Variants in SENP7 observed in about 807,000 individuals in gnomAD.
SENP7 encodes sentrin-specific protease 7.
A neutral mutation model predicts 141.2 loss-of-function variants in SENP7; 64 were observed. That is an observed-to-expected ratio of 0.45 (90% CI 0.37 to 0.56). The LOEUF (loss-of-function observed/expected upper bound fraction) is 0.56. Ranked by LOEUF, SENP7 falls within the 20% of genes least tolerant of loss-of-function variation. The pLI, the probability that SENP7 is intolerant of heterozygous loss-of-function variation, is 0.00. For missense variants in SENP7, 1,025 were observed against 1,212.2 expected (o/e 0.85, Z 2.29); for synonymous variants, 382 against 426.4 (o/e 0.90, Z 1.28).
chr3:101,343,704 C>A lies in SENP7; in HGVS notation c.2088G>T (p.Lys696Asn). The A allele has an allele frequency of 6.2e-7, 1 of 1,611,742 alleles. No individual in the cohort carries two copies. Among genetic ancestry groups the A allele is most frequent in the Non-Finnish European group, 8.5e-7 (1 of 1,179,156 alleles). Residue 696 changes from lysine to asparagine, a missense_variant, in exon 14 of 24, where the codon AAG becomes AAT. Lys to Asn is a moderately conservative substitution (Grantham distance 94). Transcript: ENST00000394095. The stretch of plus-strand genomic sequence containing the variant: ...TGCTAACCTGAGATACTGATTTCAG[C>A]TTCATTTCTTCAGCAACAGCAACAC... ...PAGVAVAEEM[K>N]LKSVSQPSNT... is the part of the protein sequence containing the mutation.
At chr3:101,482,379 T>G (rs370099097) in intron 3 of SENP7, among the ~76,000 whole-genome samples, 1 of 150,882 alleles carries the variant, frequency 6.6e-6, no homozygotes, top group Non-Finnish European at 1.5e-5. Flanking sequence ...AAGATCTGTA[T>G]GAGGAAAGCT....
At chr3:101,361,950 A>G (rs2059913607) in intron 10 of SENP7, 89 bp from the exon 11 acceptor site, 1 of 1,370,710 alleles carries the variant, frequency 7.3e-7, no homozygotes, top group Non-Finnish European at 9.8e-7. Context: ...TCTTCTTTAA[A>G]TTACTATTAG....
intron 6 of SENP7, among the ~76,000 whole-genome samples, chr3:101,388,093 C>T (rs1451619027): frequency 2.0e-5 from 3 of 152,180 alleles, no homozygotes; most frequent in Non-Finnish European, 4.4e-5. Context: ...GACACAGCTA[C>T]TACCATCACC....
chr3:101,383,114 G>T (rs1255745388), intron 6 of SENP7, among the ~76,000 whole-genome samples: 1 of 152,182 alleles, frequency 6.6e-6, no homozygotes, highest in Non-Finnish European at 1.5e-5. Flanking sequence ...TAGAGGTGAG[G>T]CCTGGTGAGA....
At chr3:101,474,472 T>G (rs1443236749) in intron 3 of SENP7, among the ~76,000 whole-genome samples, 1 of 152,196 alleles carries the variant, frequency 6.6e-6, no homozygotes, top group Non-Finnish European at 1.5e-5. Context: ...CTAGTCTGGC[T>G]CTCAGTTTGA....
intron 1 of SENP7, among the ~76,000 whole-genome samples, chr3:101,505,062 CAAAAAGAAAAAGA>C (rs1206909792): frequency 2.0e-5 from 3 of 150,712 alleles, no homozygotes; most frequent in Non-Finnish European, 2.9e-5. Flanking sequence ...GAAACCATTT[CAAAAAGAAAAAGA>C]AAAAAGAAAA....
In SENP7 at chr3:101,490,042, G is replaced by A. The variant is rs138143521; in HGVS notation, c.186+3831C>T. On this transcript the variant is annotated intron_variant, in intron 3 of 23. Coordinates refer to ENST00000394095, the MANE Select transcript of SENP7 (RefSeq NM_020654.5). Reference sequence around the variant, plus strand: ...TCTACTAAAAATACAAAACTAGCCCGATGTGGTGGTGCATGCCTGTAATCC... The same window carrying A: ...TCTACTAAAAATACAAAACTAGCCCAATGTGGTGGTGCATGCCTGTAATCC... Among the ~76,000 whole-genome samples, 138 of 152,136 alleles carry A rather than the reference G, an allele frequency of 9.1e-4. 2 individuals carry two copies. The East Asian group carries it at 0.021, about 23-fold the overall frequency.
chr3:101,362,322 T>C (rs556964280), intron 10 of SENP7, among the ~76,000 whole-genome samples: 9 of 152,328 alleles, frequency 5.9e-5, no homozygotes, highest in East Asian at 5.8e-4. Flanking sequence ...GATGTTTAGA[T>C]TGGTTAAGCG....
At chr3:101,344,418 C>G (rs1210628522) in intron 13 of SENP7, among the ~76,000 whole-genome samples, 6 of 152,144 alleles carry the variant, frequency 3.9e-5, no homozygotes, top group Admixed American at 3.9e-4. Context: ...ATTTTCCCCA[C>G]CTTCTCTGCT....
intron 6 of SENP7, among the ~76,000 whole-genome samples, chr3:101,391,711 G>A (rs1384847984): frequency 1.3e-5 from 2 of 152,160 alleles, no homozygotes; most frequent in African/African-American, 4.8e-5. Context: ...CAACTTAAGA[G>A]GAGGAAATTT....
intron 20 of SENP7, among the ~76,000 whole-genome samples, chr3:101,329,465 TCTG>T (rs2107192031): frequency 6.6e-6 from 1 of 151,672 alleles, no homozygotes; most frequent in Non-Finnish European, 1.5e-5. Flanking sequence ...TGCCAGGGAG[TCTG>T]CTGCTATTTG....
In SENP7 at chr3:101,459,045, CT is replaced by C; in HGVS notation, c.193del (p.Arg65GlufsTer3). ...AGAGATGACTTTATTCCTTAGGCTT[CT>C]TTCCCACTAGGAAAAAAAAAATGAA... is the stretch of plus-strand genomic sequence containing the variant. ...ERWTLPLQWE[R>X]SLRNKVISLD... On this transcript the variant is annotated frameshift_variant, in exon 4 of 24. Transcript: ENST00000394095. LOFTEE classifies it high-confidence loss of function. 6.4e-7 allele frequency: 1 copy of C among 1,566,502 alleles called. No individual in the cohort carries two copies. Among genetic ancestry groups the C allele is most frequent in the Admixed American group, 1.8e-5 (1 of 54,584 alleles).
chr3:101,341,894 C>T, intron 14 of SENP7, 115 bp from the exon 15 acceptor site: 1 of 1,053,740 alleles, frequency 9.5e-7, no homozygotes, highest in Non-Finnish European at 1.3e-6. Flanking sequence ...TGAATTATAT[C>T]TATACTTTTA....
intron 20 of SENP7, among the ~76,000 whole-genome samples, chr3:101,329,775 TAAAAA>T (rs762298259): frequency 1.0e-5 from 1 of 100,474 alleles, no homozygotes; most frequent in African/African-American, 3.8e-5. Context: ...CCATCTCTAC[TAAAAA>T]AAAAAAAAAA....
intron 6 of SENP7, among the ~76,000 whole-genome samples, chr3:101,390,306 C>A (rs1315369395): frequency 6.7e-6 from 1 of 149,570 alleles, no homozygotes; most frequent in Non-Finnish European, 1.5e-5. Flanking sequence ...ACTGTATGCT[C>A]CCTACTCACG....
chr3:101,340,343 A>G, intron 15 of SENP7, 132 bp from the exon 16 acceptor site: 1 of 1,091,684 alleles, frequency 9.2e-7, no homozygotes. Context: ...ACATTTGACC[A>G]GGCATAAATA....
At chr3:101,435,090 T>A (rs1372905519) in intron 4 of SENP7, among the ~76,000 whole-genome samples, 1 of 152,138 alleles carries the variant, frequency 6.6e-6, no homozygotes, top group Non-Finnish European at 1.5e-5. Context: ...GTGGGATTTA[T>A]CCCTATGATG....
At chr3:101,434,498 A>G (rs1422078090) in intron 4 of SENP7, among the ~76,000 whole-genome samples, 16 of 152,070 alleles carry the variant, frequency 1.1e-4, no homozygotes, top group Admixed American at 1.0e-3. Context: ...GGTTTTTTCA[A>G]AAGTTAAAAC....
rs889102838 is a variant in SENP7, at chr3:101,324,830, A to T, written c.*1113T>A. ...TCATATCTCCCTCAAAATACTCCTG[A>T]TAACATTAGAAAGTTCTGAAGTGTT... On this transcript the variant is annotated 3_prime_UTR_variant, in exon 24 of 24. Coordinates refer to ENST00000394095, the MANE Select transcript of SENP7 (RefSeq NM_020654.5). The T allele has an allele frequency of 5.9e-5, 9 of 152,054 alleles. No individual in the cohort carries two copies. Among genetic ancestry groups the T allele is most frequent in the Admixed American group, 3.9e-4 (6 of 15,220 alleles). 9.4% of individuals were successfully genotyped at this position (152,054 alleles called of 1,614,324 possible). A position where few individuals can be genotyped will look rare whatever the true frequency, so the allele number is the denominator to read the frequency against.
Sources: allele counts gnomAD v4.1 joint callset (sites outside exome capture counted in the v4.1 genomes callset), GRCh38; gene constraint gnomAD v4.1.1; transcripts MANE v1.5; gene names NCBI Gene and HGNC (gene_info 2026-07-23, HGNC 2026-07-21).